The following ANKS1B variants were observed in gnomAD, a reference collection of about 807,000 sequenced individuals.
The protein encoded by ANKS1B is ankyrin repeat and sterile alpha motif domain containing 1B.
A neutral mutation model predicts 148.3 loss-of-function variants in ANKS1B; 36 were observed. The observed-to-expected ratio is 0.24, with a 90% CI of 0.19 to 0.32. ANKS1B has a LOEUF of 0.32. Among genes scored for constraint, ANKS1B ranks in the 10% least tolerant of loss-of-function variants. ANKS1B has a pLI of 1.00. For synonymous variants in ANKS1B, 542 were observed against 560.8 expected (o/e 0.97, Z 0.47); for missense variants, 1,157 against 1,542.6 (o/e 0.75, Z 4.19).
chr12:99,870,849 T>C (rs1182012228), intron 1 of ANKS1B, among the ~76,000 whole-genome samples: 1 of 152,166 alleles, frequency 6.6e-6, no homozygotes, highest in Non-Finnish European at 1.5e-5. Context: ...AGCTTGTGAA[T>C]ATTTTCTCCC....
At chr12:99,159,958 G>T (rs1199042793) in intron 14 of ANKS1B, among the ~76,000 whole-genome samples, 1 of 152,132 alleles carries the variant, frequency 6.6e-6, no homozygotes, top group Non-Finnish European at 1.5e-5. Flanking sequence ...GTTTTGATTT[G>T]CACTTCTCCG....
intron 8 of ANKS1B, among the ~76,000 whole-genome samples, chr12:99,695,553 C>T (rs994104197): frequency 4.6e-5 from 7 of 152,244 alleles, no homozygotes; most frequent in South Asian, 2.1e-4. Flanking sequence ...ATGGTGGTGC[C>T]TCACTAATGA....
At chr12:98,779,855 C>T (rs916950439) in intron 24 of ANKS1B, among the ~76,000 whole-genome samples, 1 of 152,148 alleles carries the variant, frequency 6.6e-6, no homozygotes, top group African/African-American at 2.4e-5. Context: ...ATATTTTGCA[C>T]AGTTGGAATC....
At chr12:98,981,089 T>C (rs902296434) in intron 17 of ANKS1B, among the ~76,000 whole-genome samples, 19 of 151,784 alleles carry the variant, frequency 1.3e-4, no homozygotes, top group African/African-American at 4.6e-4. Flanking sequence ...GAGGACTGCT[T>C]GAGCTCAGGA....
At chr12:98,963,619 A>G (rs914273930) in intron 17 of ANKS1B, among the ~76,000 whole-genome samples, 2 of 152,258 alleles carry the variant, frequency 1.3e-5, no homozygotes, top group Non-Finnish European at 2.9e-5. Context: ...AATACCTTAC[A>G]AGCACAGGCA....
At chr12:98,848,743 G>GGTTTTTTTTTTTTTTTT (rs2099500216) in intron 17 of ANKS1B, among the ~76,000 whole-genome samples, 1 of 48,090 alleles carries the variant, frequency 2.1e-5, no homozygotes, top group Non-Finnish European at 3.5e-5. Context: ...TGTATGTGTG[G>GGTTTTTTTTTTTTTTTT]TTTTTTTTTT....
At chr12:99,636,249 C>A (rs2098234839) in intron 9 of ANKS1B, among the ~76,000 whole-genome samples, 1 of 152,090 alleles carries the variant, frequency 6.6e-6, no homozygotes, top group Admixed American at 6.6e-5. Context: ...ACCATGAACA[C>A]CAAGTTAGTA....
intron 25 of ANKS1B, among the ~76,000 whole-genome samples, chr12:98,756,309 C>T (rs2098240743): frequency 6.6e-6 from 1 of 152,156 alleles, no homozygotes; most frequent in Admixed American, 6.5e-5. Context: ...CCTGTACATG[C>T]TCTCTTGCCT....
chr12:98,871,589 C>T (rs945994888), intron 17 of ANKS1B, among the ~76,000 whole-genome samples: 1 of 152,070 alleles, frequency 6.6e-6, no homozygotes, highest in Non-Finnish European at 1.5e-5. Context: ...AGAAAAATTA[C>T]TAATGAGTGA....
At position 99,413,232 on chromosome 12, in the gene ANKS1B, A is replaced by G. The variant is rs184036133; in HGVS notation, c.1576-13421T>C. ...TTTCCATTTTATAGACTTGAGATTC[A>G]CAGATAATCTCAGTTAAGTGGGAGA... On this transcript the variant is annotated intron_variant, in intron 11 of 26. Transcript: ENST00000683438. Among the ~76,000 whole-genome samples the G allele has an allele frequency of 7.4e-4, 112 of 152,320 alleles. 3 individuals carry two copies. In the East Asian group the frequency reaches 0.02, roughly 27 times the overall value.
intron 4 of ANKS1B, among the ~76,000 whole-genome samples, chr12:99,798,025 A>T (rs1167850461): frequency 6.6e-6 from 1 of 151,818 alleles, no homozygotes; most frequent in East Asian, 1.9e-4. Context: ...TTTTTAGGTT[A>T]TCTATTCTAC....
intron 14 of ANKS1B, among the ~76,000 whole-genome samples, chr12:99,156,246 A>C (rs935542021): frequency 1.3e-5 from 2 of 151,872 alleles, no homozygotes; most frequent in African/African-American, 4.8e-5. Flanking sequence ...CCTTGATTCT[A>C]TTTCCTGTTT....
At chr12:99,624,026 C>A (rs1361387418) in intron 9 of ANKS1B, among the ~76,000 whole-genome samples, 1 of 151,982 alleles carries the variant, frequency 6.6e-6, no homozygotes, top group Non-Finnish European at 1.5e-5. Flanking sequence ...CTATAGTAAC[C>A]AAAACAGCAT....
chr12:99,166,561 G>T (rs1377377039), intron 14 of ANKS1B, among the ~76,000 whole-genome samples: 2 of 152,016 alleles, frequency 1.3e-5, no homozygotes, highest in Middle Eastern at 6.8e-3. Flanking sequence ...GAATAAAACT[G>T]TCAAAAGATG....
At chr12:99,939,512 T>C (rs1245545510) in intron 1 of ANKS1B, among the ~76,000 whole-genome samples, 1 of 152,168 alleles carries the variant, frequency 6.6e-6, no homozygotes, top group African/African-American at 2.4e-5. Flanking sequence ...ATTACAAGTG[T>C]GAGCCACTGT....
At chr12:99,021,830 A>G (rs978041965) in intron 17 of ANKS1B, among the ~76,000 whole-genome samples, 8 of 152,212 alleles carry the variant, frequency 5.3e-5, no homozygotes, top group Admixed American at 5.2e-4. Context: ...GTTATCAACC[A>G]TTTACATTTT....
Position 99,354,195 on chromosome 12 carries a change from C to T in ANKS1B, c.1756+45436G>A, listed in dbSNP as rs1371960495. Among the ~76,000 whole-genome samples the T allele has an allele frequency of 2.0e-5, 3 of 152,024 alleles. No homozygotes were observed. In the East Asian group the frequency reaches 5.8e-4, roughly 29 times the overall value. ...GAAAGAGATCTTTAGTTATATATCA[C>T]TGGGGTCTGAAATGAACCAATGACC... On this transcript the variant is annotated intron_variant, in intron 12 of 26. Transcript: ENST00000683438.
intron 12 of ANKS1B, among the ~76,000 whole-genome samples, chr12:99,318,632 C>A (rs184145933): frequency 4.6e-5 from 7 of 152,230 alleles, no homozygotes; most frequent in Admixed American, 3.9e-4. Flanking sequence ...CTCCTGGATT[C>A]ATTGATTTTT....
intron 8 of ANKS1B, among the ~76,000 whole-genome samples, chr12:99,766,883 T>C (rs2062699634): frequency 6.6e-6 from 1 of 152,156 alleles, no homozygotes; most frequent in South Asian, 2.1e-4. Context: ...CTCCAAATTC[T>C]GAAATTGATG....
Sources: allele counts gnomAD v4.1 joint callset (sites outside exome capture counted in the v4.1 genomes callset), GRCh38; gene constraint gnomAD v4.1.1; transcripts MANE v1.5; gene names NCBI Gene and HGNC (gene_info 2026-07-23, HGNC 2026-07-21).